The following CSMD1 variants were observed in gnomAD, a reference collection of about 807,000 sequenced individuals.
CSMD1 encodes the protein CUB and Sushi multiple domains 1, also known as CUB and sushi domain-containing protein 1.
In CSMD1, 213 loss-of-function variants were observed where a neutral mutation model predicts 417.5. That is an observed-to-expected ratio of 0.51 (90% CI 0.46 to 0.57). The LOEUF (loss-of-function observed/expected upper bound fraction) is 0.57, where lower values mean the gene tolerates loss of function less well. CSMD1 is among the 20% of genes least tolerant of loss of function. The pLI, the probability that CSMD1 is intolerant of heterozygous loss-of-function variation, is 0.00. For synonymous variants in CSMD1, 2,862 were observed against 1,736.8 expected (o/e 1.65, Z -16.11); for missense variants, 6,923 against 4,529.7 (o/e 1.53, Z -15.17).
At chr8:3,272,832 C>G (rs1801967057) in intron 26 of CSMD1, among the ~76,000 whole-genome samples, 2 of 150,490 alleles carry the variant, frequency 1.3e-5, no homozygotes, top group African/African-American at 4.9e-5. Flanking sequence ...AGATTTTGGG[C>G]TGAGACAGTG....
intron 1 of CSMD1, among the ~76,000 whole-genome samples, chr8:4,674,433 G>T (rs1216355785): frequency 3.9e-5 from 6 of 152,162 alleles, no homozygotes; most frequent in African/African-American, 9.7e-5. Flanking sequence ...GTGATGCCAG[G>T]ATGGGAAGGT....
intron 1 of CSMD1, among the ~76,000 whole-genome samples, chr8:4,639,189 C>G (rs1301693715): frequency 6.6e-6 from 1 of 152,100 alleles, no homozygotes; most frequent in Non-Finnish European, 1.5e-5. Flanking sequence ...CCTTCCCCTT[C>G]CCAAGTTACT....
chr8:4,428,212 A>T (rs1309020445), intron 2 of CSMD1, among the ~76,000 whole-genome samples: 1 of 152,210 alleles, frequency 6.6e-6, no homozygotes, highest in Non-Finnish European at 1.5e-5. Flanking sequence ...TACTGTGTCC[A>T]CTGAACCACA....
intron 33 of CSMD1, 74 bp downstream of exon 33, chr8:3,199,640 G>A (rs1585633223): frequency 1.3e-5 from 12 of 904,068 alleles, no homozygotes; most frequent in African/African-American, 1.7e-5. Flanking sequence ...TGAGTGCTTT[G>A]TCTGAGACTA....
At chr8:4,197,705 T>A (rs1350525549) in intron 3 of CSMD1, among the ~76,000 whole-genome samples, 1 of 152,088 alleles carries the variant, frequency 6.6e-6, no homozygotes, top group Admixed American at 6.5e-5. Context: ...ATAGTGAAGC[T>A]CTGTCTCTAC....
chr8:4,778,374 G>C (rs1390203981), intron 1 of CSMD1, among the ~76,000 whole-genome samples: 2 of 152,078 alleles, frequency 1.3e-5, no homozygotes, highest in African/African-American at 4.8e-5. Context: ...CACAAAACTT[G>C]ATTTTCTTCT....
intron 5 of CSMD1, among the ~76,000 whole-genome samples, chr8:3,843,880 C>A (rs78604704): frequency 0.063 from 9,588 of 152,196 alleles, 893 homozygotes; most frequent in African/African-American, 0.2. Flanking sequence ...ATTGTGAGTA[C>A]AATTTAGAGT....
At chr8:4,853,349 T>A (rs1230998405) in intron 1 of CSMD1, among the ~76,000 whole-genome samples, 1 of 152,154 alleles carries the variant, frequency 6.6e-6, no homozygotes, top group African/African-American at 2.4e-5. Flanking sequence ...GTTCCCTGCA[T>A]CCCCACTGCT....
At chr8:3,533,398 C>T (rs769219044) in intron 10 of CSMD1, among the ~76,000 whole-genome samples, 1 of 152,112 alleles carries the variant, frequency 6.6e-6, no homozygotes. Context: ...CCTCATTTCC[C>T]CCTCCCTGAT....
At chr8:3,264,527 AT>A (rs1801296662) in intron 26 of CSMD1, among the ~76,000 whole-genome samples, 1 of 152,212 alleles carries the variant, frequency 6.6e-6, no homozygotes, top group African/African-American at 2.4e-5. Context: ...ACACTGAATC[AT>A]TTACCACGTA....
intron 2 of CSMD1, among the ~76,000 whole-genome samples, chr8:4,445,534 G>C (rs57960874): frequency 6.6e-6 from 1 of 152,086 alleles, no homozygotes; most frequent in African/African-American, 2.4e-5. Flanking sequence ...GTTTTCATTT[G>C]GGTAGCTTGT....
chr8:3,612,791 A>C (rs1373467611), intron 8 of CSMD1, among the ~76,000 whole-genome samples: 2 of 152,108 alleles, frequency 1.3e-5, no homozygotes, highest in Non-Finnish European at 2.9e-5. Context: ...CTTAGAGGAA[A>C]ATTGATAGCA....
At chr8:3,945,199 A>T (rs2129808491) in intron 5 of CSMD1, among the ~76,000 whole-genome samples, 1 of 143,968 alleles carries the variant, frequency 6.9e-6, no homozygotes, top group Admixed American at 6.9e-5. Flanking sequence ...AAAAAAAAAC[A>T]GAAGCTAACT....
intron 26 of CSMD1, among the ~76,000 whole-genome samples, chr8:3,253,498 A>G (rs1800424359): frequency 6.6e-6 from 1 of 152,120 alleles, no homozygotes; most frequent in Admixed American, 6.6e-5. Context: ...AAAAGAATGT[A>G]TATTCTGTTG....
intron 2 of CSMD1, among the ~76,000 whole-genome samples, chr8:4,612,806 C>A (rs181445044): frequency 6.6e-6 from 1 of 152,338 alleles, no homozygotes; most frequent in Admixed American, 6.5e-5. Context: ...GCCTCTGTCT[C>A]TTCCTGGCTT....
At chr8:3,019,645 G>T (rs1258479123) in intron 51 of CSMD1, among the ~76,000 whole-genome samples, 1 of 152,180 alleles carries the variant, frequency 6.6e-6, no homozygotes, top group African/African-American at 2.4e-5. Flanking sequence ...TGTCGATGGG[G>T]TGACCCTATG....
intron 3 of CSMD1, among the ~76,000 whole-genome samples, chr8:4,165,157 C>T (rs1165729404): frequency 6.6e-6 from 1 of 152,152 alleles, no homozygotes; most frequent in Non-Finnish European, 1.5e-5. Context: ...GCCTCCACTG[C>T]TTAATATGAT....
At position 3,998,926 on chromosome 8, in the gene CSMD1, ATAG is replaced by A. The variant is rs1185725724; in HGVS notation, c.611-819_611-817del. Among the ~76,000 whole-genome samples, 6 of 148,976 alleles carry A rather than the reference ATAG, an allele frequency of 4.0e-5. No homozygotes were observed. The South Asian group carries it at 6.3e-4, about 16-fold the overall frequency. ...AGTTTATATATAAATAACAAACTAT[ATAG>A]TAGTTTATATATAAATAACAAACTA... is the stretch of plus-strand genomic sequence containing the variant. On this transcript the variant is annotated intron_variant, in intron 4 of 69. Transcript: ENST00000635120.
At chr8:4,566,880 C>T (rs184318432) in intron 2 of CSMD1, among the ~76,000 whole-genome samples, 120 of 43,368 alleles carry the variant, frequency 2.8e-3, no homozygotes, top group Non-Finnish European at 6.1e-3. Flanking sequence ...ATTGACTTGG[C>T]TGAATGTTTT....
Sources: gnomAD v4.1 joint callset for allele counts (sites outside exome capture counted in the v4.1 genomes callset) on GRCh38, gnomAD v4.1.1 for gene constraint, MANE v1.5 for transcripts, NCBI Gene and HGNC (gene_info 2026-07-23, HGNC 2026-07-21) for gene names.